Variants in ZNF536 observed in about 807,000 individuals in gnomAD.
ZNF536 encodes the protein zinc finger protein 536.
A neutral mutation model predicts 84.5 loss-of-function variants in ZNF536; 13 were observed. That is an observed-to-expected ratio of 0.15 (90% CI 0.10 to 0.24). The LOEUF (loss-of-function observed/expected upper bound fraction) is 0.24. Among genes scored for constraint, ZNF536 ranks in the 10% least tolerant of loss-of-function variants. The pLI is 1.00. For missense variants in ZNF536, 1,536 were observed against 1,747.5 expected, an observed-to-expected ratio of 0.88 and a Z score of 2.16; for synonymous variants, 811 against 742.5, an observed-to-expected ratio of 1.09 and a Z score of -1.50.
intron 1 of ZNF536, among the ~76,000 whole-genome samples, chr19:30,398,560 C>T (rs747712192): frequency 1.2e-4 from 19 of 152,118 alleles, no homozygotes; most frequent in Non-Finnish European, 2.5e-4. Context: ...CCCGGACAGG[C>T]CCCAGTGTGT....
At chr19:30,498,231 A>G (rs909569684) in intron 2 of ZNF536, among the ~76,000 whole-genome samples, 1 of 152,258 alleles carries the variant, frequency 6.6e-6, no homozygotes, top group African/African-American at 2.4e-5. Context: ...AATGTGGCAC[A>G]TATACAGCAT....
chr19:30,331,656 C>G (rs1368163126), intron 2 of ZNF536, among the ~76,000 whole-genome samples: 1 of 151,912 alleles, frequency 6.6e-6, no homozygotes, highest in African/African-American at 2.4e-5. Context: ...CCTTAGCCAT[C>G]CATTTCAGAT....
At chr19:30,342,477 C>T (rs1479200640) in intron 2 of ZNF536, among the ~76,000 whole-genome samples, 3 of 152,154 alleles carry the variant, frequency 2.0e-5, no homozygotes, top group Non-Finnish European at 4.4e-5. Flanking sequence ...AATTAGACAT[C>T]ACATAATTTT....
intron 1 of ZNF536, among the ~76,000 whole-genome samples, chr19:30,281,979 C>T (rs1019361504): frequency 7.2e-5 from 11 of 152,182 alleles, no homozygotes; most frequent in Non-Finnish European, 1.6e-4. Context: ...TGTCTAAATA[C>T]AAGTCACTTA....
At chr19:30,455,442 C>T (rs980926884) in intron 2 of ZNF536, among the ~76,000 whole-genome samples, 4 of 152,280 alleles carry the variant, frequency 2.6e-5, no homozygotes, top group Admixed American at 2.0e-4. Flanking sequence ...GTGGCTCATG[C>T]CTGTATTCCA....
intron 2 of ZNF536, among the ~76,000 whole-genome samples, chr19:30,510,381 C>T (rs1225455103): frequency 6.6e-6 from 1 of 152,182 alleles, no homozygotes; most frequent in Admixed American, 6.5e-5. Context: ...GGGGCTGGCA[C>T]TTTCAGACCT....
At chr19:30,650,801 G>C (rs1252164462) in intron 1 of ZNF536, among the ~76,000 whole-genome samples, 3 of 152,176 alleles carry the variant, frequency 2.0e-5, no homozygotes, top group Non-Finnish European at 4.4e-5. Flanking sequence ...AAATGAAATG[G>C]CAAAGCCCTC....
At chr19:30,494,952 G>GAAAAAAAAA (rs35362561) in intron 2 of ZNF536, among the ~76,000 whole-genome samples, 1 of 89,182 alleles carries the variant, frequency 1.1e-5, no homozygotes. Flanking sequence ...TCTCAAAAAA[G>GAAAAAAAAA]AAAAAAAAAA....
Position 30,585,227 on chromosome 19 carries a change from C to T in ZNF536, c.169+35713C>T, listed in dbSNP as rs939168172. ...ATTTTCAGCTTTTCAGCAATCTTGACGTTGGTAGGAACAGAAAGTGCTTTC... is the reference window on the plus strand; with the variant it reads ...ATTTTCAGCTTTTCAGCAATCTTGATGTTGGTAGGAACAGAAAGTGCTTTC... On this transcript the variant is annotated intron_variant, in intron 1 of 1. Coordinates refer to the ZNF536 transcript ENST00000592773. Among the ~76,000 whole-genome samples the T allele has an allele frequency of 3.3e-5, 5 of 152,180 alleles. No homozygotes were observed. The East Asian group carries it at 5.8e-4, about 18-fold the overall frequency.
chr19:30,659,839 A>T (rs138944826), intron 1 of ZNF536, among the ~76,000 whole-genome samples: 89 of 151,390 alleles, frequency 5.9e-4, no homozygotes, highest in Admixed American at 3.9e-3. Flanking sequence ...GTGGGGACAC[A>T]GATCCAACCA....
At chr19:30,273,296 G>A (rs529320970) in intron 1 of ZNF536, among the ~76,000 whole-genome samples, 88 of 152,280 alleles carry the variant, frequency 5.8e-4, no homozygotes, top group African/African-American at 2.1e-3. Flanking sequence ...TGCTTGATAA[G>A]ACAATATTTA....
chr19:30,614,942 ATT>A (rs555419932), intron 1 of ZNF536, among the ~76,000 whole-genome samples: 29 of 32,312 alleles, frequency 9.0e-4, no homozygotes, highest in East Asian at 3.0e-3. Flanking sequence ...CCCCTTTTCA[ATT>A]TTTTTTTTTT....
At chr19:30,540,482 C>T (rs2045286534) in intron 3 of ZNF536, among the ~76,000 whole-genome samples, 1 of 152,212 alleles carries the variant, frequency 6.6e-6, no homozygotes, top group Non-Finnish European at 1.5e-5. Context: ...TATCCACGCC[C>T]ATATGCAGGC....
intron 1 of ZNF536, among the ~76,000 whole-genome samples, chr19:30,706,789 T>C (rs2057093212): frequency 6.6e-6 from 1 of 152,250 alleles, no homozygotes; most frequent in Non-Finnish European, 1.5e-5. Context: ...GACTTAGCCC[T>C]AGCTTTATCT....
intron 2 of ZNF536, among the ~76,000 whole-genome samples, chr19:30,519,291 C>A (rs2044221395): frequency 6.6e-6 from 1 of 152,130 alleles, no homozygotes; most frequent in Admixed American, 6.5e-5. Flanking sequence ...GGATGTCGAG[C>A]CCTGGCTGGG....
intron 3 of ZNF536, among the ~76,000 whole-genome samples, chr19:30,544,427 AGCT>A (rs1302416795): frequency 1.3e-5 from 2 of 152,174 alleles, no homozygotes; most frequent in African/African-American, 2.4e-5. Context: ...CTTGTTTCTC[AGCT>A]CTGGCTTTTA....
At chr19:30,310,826 T>A (rs1460192839) in intron 2 of ZNF536, among the ~76,000 whole-genome samples, 1 of 152,198 alleles carries the variant, frequency 6.6e-6, no homozygotes, top group African/African-American at 2.4e-5. Flanking sequence ...CTCTATGAAC[T>A]CATTGTTATC....
At chr19:30,527,395 G>A (rs2044632925) in intron 2 of ZNF536, among the ~76,000 whole-genome samples, 1 of 151,942 alleles carries the variant, frequency 6.6e-6, no homozygotes, top group African/African-American at 2.4e-5. Flanking sequence ...TATCTCACGT[G>A]TCCCAGGGCT....
chr19:30,557,349 A>G lies in ZNF536; in HGVS notation c.*185A>G. The stretch of plus-strand genomic sequence containing the variant: ...TGCACCAATCTACAGTATATATAGC[A>G]GAGAATCAGAGGCTAAAAATATTAC... On this transcript the variant is annotated 3_prime_UTR_variant, in exon 5 of 5. Coordinates refer to ENST00000355537, the MANE Select transcript of ZNF536 (RefSeq NM_014717.3). 2 of 552,660 alleles carry G rather than the reference A, an allele frequency of 3.6e-6. No individual in the cohort carries two copies. Among genetic ancestry groups the G allele is most frequent in the East Asian group, 5.9e-5 (2 of 34,132 alleles). The allele number at this position is 552,660 out of a possible 1,614,324, so 34.2% of individuals were successfully genotyped here.
Sources: allele counts gnomAD v4.1 joint callset (sites outside exome capture counted in the v4.1 genomes callset), GRCh38; gene constraint gnomAD v4.1.1; transcripts MANE v1.5; gene names NCBI Gene and HGNC (gene_info 2026-07-23, HGNC 2026-07-21).